Variants in NXN observed in about 807,000 individuals in gnomAD.
The protein encoded by NXN is nucleoredoxin 1.
In NXN, 16 loss-of-function variants were observed where a neutral mutation model predicts 48.6. The ratio of observed to expected loss-of-function variants is 0.33; its 90% CI spans 0.22 to 0.50. The LOEUF (loss-of-function observed/expected upper bound fraction) is 0.50, where lower values mean the gene tolerates loss of function less well. Ranked by LOEUF, NXN falls within the 20% of genes least tolerant of loss-of-function variation. NXN has a pLI of 0.98. For missense variants in NXN, 492 were observed against 605.5 expected (o/e 0.81, Z 1.97); for synonymous variants, 281 against 269.6 (o/e 1.04, Z -0.41).
chr17:925,669 G>A (rs1050666151), intron 1 of NXN, among the ~76,000 whole-genome samples: 3 of 152,206 alleles, frequency 2.0e-5, no homozygotes, highest in Admixed American at 6.5e-5. Context: ...GATGACAGGC[G>A]TGAGCCACTG....
chr17:849,553 C>T lies in NXN; in HGVS notation c.361-23475G>A, dbSNP rs891029856. Among the ~76,000 whole-genome samples, 1 of 152,032 alleles carries T rather than the reference C, an allele frequency of 6.6e-6. No individual in the cohort carries two copies. The highest frequency in any genetic ancestry group is 6.6e-5 in the Admixed American group (1 of 15,266). ...AGATGGGAGCTTCCCAACCAGCGTG[C>T]TAGGAGCAGGCTCCAGGAGGGCACC... On this transcript the variant is annotated intron_variant, in intron 1 of 7. Coordinates refer to ENST00000336868, the MANE Select transcript of NXN (RefSeq NM_022463.5). The surrounding 1 kb of genome is among the most constrained non-coding windows in gnomAD (Gnocchi z 4.2).
intron 1 of NXN, among the ~76,000 whole-genome samples, chr17:915,790 T>TGTCAGAGCC (rs2068682344): frequency 4.5e-5 from 5 of 111,568 alleles, no homozygotes; most frequent in Admixed American, 3.2e-4. Flanking sequence ...GGCTTCCAGG[T>TGTCAGAGCC]GAAACTTCCC....
chr17:847,007 G>A (rs1250648869), intron 1 of NXN, among the ~76,000 whole-genome samples: 3 of 152,076 alleles, frequency 2.0e-5, no homozygotes, highest in Admixed American at 6.6e-5. Context: ...ACTACGTAGC[G>A]CCTACCGCCC....
At chr17:977,846 C>T (rs1052994513) in intron 1 of NXN, among the ~76,000 whole-genome samples, 2 of 152,198 alleles carry the variant, frequency 1.3e-5, no homozygotes, top group African/African-American at 4.8e-5. Flanking sequence ...CATGCATATT[C>T]ATACTATATC....
intron 1 of NXN, among the ~76,000 whole-genome samples, chr17:836,895 C>G (rs1227091145): frequency 6.0e-5 from 9 of 151,248 alleles, no homozygotes; most frequent in African/African-American, 1.9e-4. Flanking sequence ...GGGCTCAAGC[C>G]ATCCTCCCAC....
intron 1 of NXN, among the ~76,000 whole-genome samples, chr17:964,195 A>T (rs2150632197): frequency 6.6e-6 from 1 of 152,332 alleles, no homozygotes; most frequent in South Asian, 2.1e-4. Flanking sequence ...TAATGTAAAC[A>T]GTCAGCAGGA....
At chr17:903,385 T>C (rs887305877) in intron 1 of NXN, among the ~76,000 whole-genome samples, 1 of 151,352 alleles carries the variant, frequency 6.6e-6, no homozygotes, top group Non-Finnish European at 1.5e-5. Flanking sequence ...TTTTTTGATC[T>C]ATGCTTTTTT....
chr17:827,266 CAG>C (rs1204914485), intron 1 of NXN, among the ~76,000 whole-genome samples: 1 of 151,718 alleles, frequency 6.6e-6, no homozygotes, highest in African/African-American at 2.4e-5. Flanking sequence ...ATCATGAGGT[CAG>C]GAGATCGAGA....
intron 1 of NXN, among the ~76,000 whole-genome samples, chr17:910,322 G>C (rs931867429): frequency 1.3e-5 from 2 of 151,824 alleles, no homozygotes; most frequent in Non-Finnish European, 2.9e-5. Flanking sequence ...TGAGGGAGGA[G>C]AATCACTTGA....
intron 1 of NXN, among the ~76,000 whole-genome samples, chr17:952,062 T>C (rs897768086): frequency 2.0e-5 from 3 of 152,100 alleles, no homozygotes; most frequent in Admixed American, 1.3e-4. Context: ...GTTTCCGTTT[T>C]TGTGGGGGGC....
chr17:832,754 G>T (rs183734222), intron 1 of NXN, among the ~76,000 whole-genome samples: 1 of 151,908 alleles, frequency 6.6e-6, no homozygotes. Context: ...AAGATTCCCC[G>T]TTCCTTTCTG....
At chr17:934,202 T>C (rs1286052020) in intron 1 of NXN, among the ~76,000 whole-genome samples, 1 of 151,782 alleles carries the variant, frequency 6.6e-6, no homozygotes, top group East Asian at 1.9e-4. Context: ...TCCCAGCACT[T>C]TGGGAGGCTC....
rs375601731 is a variant in NXN at position 808,607 on chromosome 17, T to G, written c.821-3360A>C. Among the ~76,000 whole-genome samples the G allele has an allele frequency of 5.8e-3, 874 of 151,902 alleles. 6 individuals carry two copies. The highest frequency in any genetic ancestry group is 0.02 in the African/African-American group (841 of 41,412). On this transcript the variant is annotated intron_variant, in intron 5 of 7. Coordinates refer to ENST00000336868, the MANE Select transcript of NXN (RefSeq NM_022463.5). ...ACCATGCCCGGCCAGTGTAAAACAC[T>G]TATTAGCAGAGTACCTGGTATATTG...
At chr17:812,981 C>A (rs987958150) in intron 5 of NXN, among the ~76,000 whole-genome samples, 1 of 151,460 alleles carries the variant, frequency 6.6e-6, no homozygotes, top group South Asian at 2.1e-4. Context: ...GGTGTGTGTG[C>A]ACATGTGAAT....
chr17:947,423 C>T (rs975128902), intron 1 of NXN, among the ~76,000 whole-genome samples: 3 of 152,086 alleles, frequency 2.0e-5, no homozygotes, highest in African/African-American at 4.8e-5. Flanking sequence ...TCCACGGATT[C>T]GACTAACCCC....
intron 1 of NXN, among the ~76,000 whole-genome samples, chr17:970,989 C>T (rs1016545307): frequency 8.6e-5 from 13 of 150,884 alleles, no homozygotes; most frequent in Non-Finnish European, 8.8e-5. Context: ...TCTTATTCCC[C>T]AGGCTGGAGT....
At chr17:951,055 G>A (rs892659006) in intron 1 of NXN, among the ~76,000 whole-genome samples, 4 of 151,784 alleles carry the variant, frequency 2.6e-5, no homozygotes, top group Non-Finnish European at 4.4e-5. Flanking sequence ...AAGCACTTCC[G>A]GCCGGGCACG....
chr17:865,788 A>G (rs1200583240), intron 1 of NXN, among the ~76,000 whole-genome samples: 1 of 151,680 alleles, frequency 6.6e-6, no homozygotes, highest in Non-Finnish European at 1.5e-5. Flanking sequence ...GTTCGAGACC[A>G]GCCTGACCAA....
intron 1 of NXN, among the ~76,000 whole-genome samples, chr17:919,000 G>C: frequency 6.6e-6 from 1 of 151,944 alleles, no homozygotes; most frequent in Non-Finnish European, 1.5e-5. Context: ...AGGAGTTTGA[G>C]GCTGCAGTGA....
Sources: allele counts gnomAD v4.1 joint callset (sites outside exome capture counted in the v4.1 genomes callset), GRCh38; gene constraint gnomAD v4.1.1; non-coding constraint Gnocchi (gnomAD v3.1); transcripts MANE v1.5; gene names NCBI Gene and HGNC (gene_info 2026-07-23, HGNC 2026-07-21).